Variants in GANC observed in about 807,000 individuals in gnomAD.
GANC encodes glucosidase alpha, neutral C, also known as neutral alpha-glucosidase C.
Under a neutral mutation model 124.2 loss-of-function variants are expected in GANC, and 117 were observed. The observed-to-expected ratio is 0.94, with a 90% CI of 0.81 to 1.10. GANC has a LOEUF of 1.10. GANC is among the 50% of genes least tolerant of loss of function. The probability of loss-of-function intolerance (pLI) is 0.00; values close to 1 mark genes in which losing one functional copy is unlikely to be tolerated. For missense variants in GANC, 1,140 were observed against 1,095.0 expected (o/e 1.04, Z -0.58); for synonymous variants, 377 against 376.8 (o/e 1.00, Z -0.01).
chr15:42,352,172 C>G lies in GANC; in HGVS notation c.*33C>G. On this transcript the variant is annotated 3_prime_UTR_variant, in exon 24 of 24. Transcript: ENST00000318010. Reference sequence around the variant, plus strand: ...CTGCCCCTGGTGATGTGAGCAGGGACCTGCCTGCCCCTTTCAACCTTTCCC... The same window carrying G: ...CTGCCCCTGGTGATGTGAGCAGGGAGCTGCCTGCCCCTTTCAACCTTTCCC... 1 of 1,610,784 alleles carries G rather than the reference C, an allele frequency of 6.2e-7. No homozygotes were observed. The highest frequency in any genetic ancestry group is 8.5e-7 in the Non-Finnish European group (1 of 1,177,766).
chr15:42,281,060 T>C (rs1442426702), intron 3 of GANC: 2 of 702,554 alleles, frequency 2.8e-6, no homozygotes, highest in Non-Finnish European at 5.2e-6. Context: ...AAGGACAAAT[T>C]ACCTGGGACA....
Position 42,326,307 on chromosome 15 carries a change from A to T in GANC, c.1303A>T (p.Ile435Phe). 6.2e-7 allele frequency: 1 copy of T among 1,612,468 alleles called. No individual in the cohort carries two copies. Among genetic ancestry groups the T allele is most frequent in the African/African-American group, 1.3e-5 (1 of 75,032 alleles). ...LRSKKRKLVV[I>F]SDPHIKIDPD... ...CTTCATGTCCTGACAGCTTGTGGTC[A>T]TCAGTGATCCCCACATCAAGATTGA... is the stretch of plus-strand genomic sequence containing the variant. Residue 435 changes from isoleucine (I) to phenylalanine (F), a missense_variant, in exon 12 of 24, where the codon ATC (isoleucine) becomes TTC (phenylalanine). Coordinates refer to ENST00000318010, the MANE Select transcript of GANC (RefSeq NM_198141.3).
At chr15:42,338,183 T>C (rs2052298537) in intron 15 of GANC, among the ~76,000 whole-genome samples, 1 of 152,242 alleles carries the variant, frequency 6.6e-6, no homozygotes, top group Non-Finnish European at 1.5e-5. Context: ...AATATTTTCC[T>C]AGAATGTTTG....
Position 42,287,807 on chromosome 15 carries a change from A to G in GANC, c.318A>G (p.Pro106=), listed in dbSNP as rs1309145859. The G allele has an allele frequency of 1.2e-6, 2 of 1,612,736 alleles. No individual in the cohort carries two copies. The highest frequency in any genetic ancestry group is 1.7e-5 in the Admixed American group (1 of 59,608). ...FEVPDVLTSK[P]STVRLISCSG... ...TTCCGGATGTCCTCACAAGCAAGCC[A>G]AGCACTGTAAGGTAAGCCAAGGAGC... Residue 106 remains proline (P), a synonymous_variant, in exon 4 of 24, where the codon CCA becomes CCG. Coordinates refer to ENST00000318010, the MANE Select transcript of GANC (RefSeq NM_198141.3).
intron 8 of GANC, 74 bp from the exon 9 acceptor site, chr15:42,310,209 G>C (rs2052036813): frequency 1.7e-6 from 2 of 1,146,816 alleles, no homozygotes; most frequent in African/African-American, 1.6e-5. Flanking sequence ...TTAGAGAGAA[G>C]AGTAGAGCTG....
intron 3 of GANC, among the ~76,000 whole-genome samples, chr15:42,282,332 A>AT (rs200009437): frequency 1.9e-4 from 29 of 151,962 alleles, no homozygotes; most frequent in South Asian, 2.1e-4. Flanking sequence ...AAAAAAAAAA[A>AT]TTTTTAATAA....
At chr15:42,310,159 G>A in intron 8 of GANC, 124 bp from the exon 9 acceptor site, 2 of 667,260 alleles carry the variant, frequency 3.0e-6, no homozygotes, top group South Asian at 4.2e-5. Flanking sequence ...TAGGGAAGTG[G>A]CAAGAGTTGA....
chr15:42,338,414 A>C lies in GANC; in HGVS notation c.1767A>C (p.Thr589=), dbSNP rs1217707173. 1 of 1,613,920 alleles carries C rather than the reference A, an allele frequency of 6.2e-7. No individual in the cohort carries two copies. Among genetic ancestry groups the C allele is most frequent in the Admixed American group, 1.7e-5 (1 of 60,008 alleles). Residue 589 remains threonine, a synonymous_variant, in exon 16 of 24, where the codon ACA becomes ACC. Transcript: ENST00000318010. The part of the protein sequence containing the change: ...KYGAVWTGDN[T]AEWSNLKISI... ...GTGCCGTGTGGACAGGCGACAACAC[A>C]GCAGAATGGAGCAACTTGAAAATTT...
At chr15:42,310,038 A>G (rs1241163867) in intron 8 of GANC, among the ~76,000 whole-genome samples, 2 of 152,066 alleles carry the variant, frequency 1.3e-5, no homozygotes, top group Admixed American at 1.3e-4. Context: ...AAAAGGAGAT[A>G]TTTAGAAAAG....
Position 42,322,085 on chromosome 15 carries a change from CT to C in GANC, c.1293+67del. ...GTTTTAAAAAATGTTTTAGACTTGC[CT>C]TGGCACATCAGTGGTGGAGAAACAT... is the stretch of plus-strand genomic sequence containing the variant. On this transcript the variant is annotated intron_variant, in intron 11 of 23. Coordinates refer to ENST00000318010, the MANE Select transcript of GANC (RefSeq NM_198141.3). 5 of 1,325,878 alleles carry C rather than the reference CT, an allele frequency of 3.8e-6. No homozygotes were observed. In the South Asian group the frequency reaches 6.8e-5, roughly 18 times the overall value. The allele number at this position is 1,325,878 out of a possible 1,614,324, so 82.1% of individuals were successfully genotyped here.
chr15:42,274,443 T>G lies in GANC; in HGVS notation c.-39T>G. 1 of 1,605,062 alleles carries G rather than the reference T, an allele frequency of 6.2e-7. No homozygotes were observed. The highest frequency in any genetic ancestry group is 8.5e-7 in the Non-Finnish European group (1 of 1,175,950). ...TTTAAAAGATCGCCCAGGGCCCTTG[T>G]CCTGAGAGCTGGGAGCTGGTCGGAG... On this transcript the variant is annotated 5_prime_UTR_variant, in exon 1 of 24. Transcript: ENST00000318010.
chr15:42,328,044 A>G (rs532680717), intron 13 of GANC, among the ~76,000 whole-genome samples: 3 of 152,294 alleles, frequency 2.0e-5, no homozygotes, highest in South Asian at 4.1e-4. Flanking sequence ...AGTTGGAACT[A>G]TAACTAAATC....
intron 16 of GANC, among the ~76,000 whole-genome samples, chr15:42,339,316 ACAC>A (rs1160103461): frequency 7.5e-6 from 1 of 133,564 alleles, no homozygotes; most frequent in African/African-American, 3.2e-5. Context: ...ACACACACAC[ACAC>A]ACACACACAC....
At chr15:42,284,724 C>G (rs1453579896) in intron 3 of GANC, among the ~76,000 whole-genome samples, 2 of 152,148 alleles carry the variant, frequency 1.3e-5, no homozygotes, top group African/African-American at 2.4e-5. Flanking sequence ...ACACTGTAAC[C>G]TCAAACTACT....
intron 10 of GANC, among the ~76,000 whole-genome samples, chr15:42,319,793 A>T (rs564387969): frequency 3.5e-4 from 53 of 152,310 alleles, no homozygotes; most frequent in African/African-American, 1.2e-3. Flanking sequence ...GAATATTTTC[A>T]TTAAACTTAC....
intron 22 of GANC, 62 bp from the exon 23 acceptor site, chr15:42,351,267 G>C: frequency 8.8e-7 from 1 of 1,137,038 alleles, no homozygotes; most frequent in Non-Finnish European, 1.3e-6. Flanking sequence ...TGGAGATGTT[G>C]AGCTGGTGGC....
At chr15:42,303,670 G>GAAA (rs150074091) in intron 6 of GANC, among the ~76,000 whole-genome samples, 3,619 of 128,566 alleles carry the variant, frequency 0.028, 194 homozygotes, top group African/African-American at 0.071. Flanking sequence ...TATTTACCAA[G>GAAA]AAAAAAAAAA....
chr15:42,278,516 T>C lies in GANC; in HGVS notation c.127T>C (p.Tyr43His), dbSNP rs2051698794. The change falls in exon 3 of 24, where the codon TAT becomes CAT. Residue 43 changes from tyrosine to histidine, a missense_variant. Coordinates refer to ENST00000318010, the MANE Select transcript of GANC (RefSeq NM_198141.3). Reference protein sequence around the residue: ...QKQWLSKKSTYQALLDSVTTD... With the variant: ...QKQWLSKKSTHQALLDSVTTD... ...ACAGTGGCTTTCCAAGAAGTCCACCTATCAGGCATTATTGGATTCAGTCAC... is the reference window on the plus strand; with the variant it reads ...ACAGTGGCTTTCCAAGAAGTCCACCCATCAGGCATTATTGGATTCAGTCAC... 6.2e-7 allele frequency: 1 copy of C among 1,612,582 alleles called. No homozygotes were observed. The highest frequency in any genetic ancestry group is 8.5e-7 in the Non-Finnish European group (1 of 1,179,286).
At chr15:42,309,521 T>C (rs2052031235) in intron 8 of GANC, among the ~76,000 whole-genome samples, 1 of 151,932 alleles carries the variant, frequency 6.6e-6, no homozygotes, top group Non-Finnish European at 1.5e-5. Flanking sequence ...GCTTTCACAG[T>C]GTTGGCCAGG....
Sources: allele counts gnomAD v4.1 joint callset (sites outside exome capture counted in the v4.1 genomes callset), GRCh38; gene constraint gnomAD v4.1.1; transcripts MANE v1.5; gene names NCBI Gene and HGNC (gene_info 2026-07-23, HGNC 2026-07-21).